Variants in TTC7A observed in about 807,000 individuals in gnomAD.
TTC7A encodes tetratricopeptide repeat domain 7A.
Under a neutral mutation model 103.7 loss-of-function variants are expected in TTC7A, and 110 were observed. That is an observed-to-expected ratio of 1.06 (90% CI 0.91 to 1.24). TTC7A has a LOEUF of 1.24. TTC7A is among the 50% of genes most tolerant of loss of function. The pLI, the probability that TTC7A is intolerant of heterozygous loss-of-function variation, is 0.00. For synonymous variants in TTC7A, 521 were observed against 467.9 expected, an observed-to-expected ratio of 1.11 and a Z score of -1.47; for missense variants, 1,340 against 1,116.3, an observed-to-expected ratio of 1.20 and a Z score of -2.86.
intron 19 of TTC7A, chr2:47,068,048 G>C (rs1558648740): frequency 6.6e-6 from 1 of 152,528 alleles, no homozygotes; most frequent in Non-Finnish European, 1.5e-5. Context: ...CCTGCTTTGC[G>C]GGGGAGAATG....
At chr2:47,013,845 C>G (rs1219479136) in intron 11 of TTC7A, among the ~76,000 whole-genome samples, 1 of 152,232 alleles carries the variant, frequency 6.6e-6, no homozygotes. Flanking sequence ...TGTTTAACTT[C>G]AGCTGAGCAG....
At chr2:47,021,401 GA>G (rs1679256238) in intron 11 of TTC7A, among the ~76,000 whole-genome samples, 1 of 152,172 alleles carries the variant, frequency 6.6e-6, no homozygotes, top group African/African-American at 2.4e-5. Context: ...CTGCTTCCAG[GA>G]CAAAAACAGC....
intron 19 of TTC7A, among the ~76,000 whole-genome samples, chr2:47,072,027 G>A (rs111409822): frequency 0.031 from 4,695 of 152,224 alleles, 108 homozygotes; most frequent in South Asian, 0.057. Context: ...TGTGTCTGGC[G>A]GCCCGTCGGC....
intron 15 of TTC7A, among the ~76,000 whole-genome samples, chr2:47,032,454 A>G (rs1680652661): frequency 6.6e-6 from 1 of 152,238 alleles, no homozygotes; most frequent in South Asian, 2.1e-4. Flanking sequence ...CCATGCAGAC[A>G]TCGCAGAGCG....
intron 5 of TTC7A, among the ~76,000 whole-genome samples, chr2:46,987,349 T>C (rs1372992726): frequency 1.3e-5 from 2 of 152,130 alleles, no homozygotes; most frequent in Non-Finnish European, 1.5e-5. Context: ...TGGTTCTCTT[T>C]TGCATGAAAC....
chr2:46,933,965 G>A (rs1296352104), intron 2 of TTC7A, among the ~76,000 whole-genome samples: 2 of 152,156 alleles, frequency 1.3e-5, no homozygotes, highest in Admixed American at 1.3e-4. Flanking sequence ...ATTAGGCTTG[G>A]TGCTCTACTT....
chr2:47,055,543 C>T (rs144900314), intron 18 of TTC7A, among the ~76,000 whole-genome samples: 2 of 152,246 alleles, frequency 1.3e-5, no homozygotes, highest in African/African-American at 4.8e-5. Context: ...AGGTGCTTTC[C>T]CTAAAAGCAA....
chr2:46,965,314 G>T (rs1157394878), intron 3 of TTC7A, among the ~76,000 whole-genome samples: 1 of 152,190 alleles, frequency 6.6e-6, no homozygotes, highest in Non-Finnish European at 1.5e-5. Flanking sequence ...TTTAGCCCTG[G>T]TATGGCGGGA....
At chr2:47,003,248 G>A (rs544612297) in intron 8 of TTC7A, among the ~76,000 whole-genome samples, 308 of 152,290 alleles carry the variant, frequency 2.0e-3, no homozygotes, top group Non-Finnish European at 3.6e-3. Flanking sequence ...CTAGCCATGA[G>A]CAAGAACTGG....
upstream of TTC7A, among the ~76,000 whole-genome samples, chr2:46,938,570 G>A (rs1396263488): frequency 6.6e-6 from 1 of 152,106 alleles, no homozygotes; most frequent in Non-Finnish European, 1.5e-5. Flanking sequence ...TCTAGTCCCT[G>A]AGGCCCTTCC....
intron 1 of TTC7A, among the ~76,000 whole-genome samples, chr2:46,945,384 C>G (rs192748863): frequency 2.0e-5 from 3 of 152,184 alleles, no homozygotes; most frequent in Non-Finnish European, 2.9e-5. Context: ...TCCCAAGTAG[C>G]TGGGACTACA....
intron 5 of TTC7A, among the ~76,000 whole-genome samples, chr2:46,982,969 A>G (rs1674624040): frequency 6.6e-6 from 1 of 152,178 alleles, no homozygotes; most frequent in Non-Finnish European, 1.5e-5. Context: ...CCCTCTCTCA[A>G]AAAAATAAAT....
At chr2:46,990,258 G>C (rs934483021) in intron 5 of TTC7A, among the ~76,000 whole-genome samples, 1 of 152,232 alleles carries the variant, frequency 6.6e-6, no homozygotes, top group South Asian at 2.1e-4. Context: ...GTGGTGGCTG[G>C]TGCTGGGCTG....
intron 18 of TTC7A, among the ~76,000 whole-genome samples, chr2:47,058,216 G>GGCTAGAAAAGACT: frequency 6.6e-6 from 1 of 152,222 alleles, no homozygotes; most frequent in Non-Finnish European, 1.5e-5. Flanking sequence ...ACTAGAGCCC[G>GGCTAGAAAAGACT]CATTTCTCTC....
chr2:46,961,314 C>T (rs546790879), intron 3 of TTC7A, among the ~76,000 whole-genome samples: 115 of 152,250 alleles, frequency 7.6e-4, no homozygotes, highest in Non-Finnish European at 1.5e-3. Context: ...TGGTGGCTCA[C>T]GCCTGTAATC....
intron 19 of TTC7A, among the ~76,000 whole-genome samples, chr2:47,072,837 C>T (rs1460886335): frequency 6.6e-6 from 1 of 152,194 alleles, no homozygotes; most frequent in East Asian, 1.9e-4. Context: ...CCACTCACTA[C>T]CCTGTCCACC....
chr2:47,025,000 A>T (rs1015960659), intron 14 of TTC7A, among the ~76,000 whole-genome samples: 3 of 152,126 alleles, frequency 2.0e-5, no homozygotes, highest in African/African-American at 7.2e-5. Flanking sequence ...CGCTCTGGGC[A>T]TGCACACATC....
At chr2:46,939,298 T>C (rs375673211), upstream of TTC7A, among the ~76,000 whole-genome samples, 63 of 152,266 alleles carry the variant, frequency 4.1e-4, no homozygotes, top group East Asian at 0.012. Context: ...CTCAAGCCTG[T>C]AATCCTAGCA....
intron 18 of TTC7A, among the ~76,000 whole-genome samples, chr2:47,053,036 C>T (rs1187814406): frequency 1.3e-5 from 2 of 152,150 alleles, no homozygotes; most frequent in African/African-American, 4.8e-5. Context: ...GTATGCAGTA[C>T]GCCCCCACTC....
Sources: allele counts gnomAD v4.1 joint callset (sites outside exome capture counted in the v4.1 genomes callset), GRCh38; gene constraint gnomAD v4.1.1; transcripts MANE v1.5; gene names NCBI Gene and HGNC (gene_info 2026-07-23, HGNC 2026-07-21).